The following SMYD3 variants were observed in gnomAD, a reference collection of about 807,000 sequenced individuals.
The protein encoded by SMYD3 is SET and MYND domain containing 3.
In SMYD3, 36 loss-of-function variants were observed where a neutral mutation model predicts 57.7. The ratio of observed to expected loss-of-function variants is 0.62; its 90% CI spans 0.48 to 0.82. The LOEUF (loss-of-function observed/expected upper bound fraction) is 0.82. Among genes scored for constraint, SMYD3 ranks in the 40% least tolerant of loss-of-function variants. SMYD3 has a pLI of 0.00. For missense variants in SMYD3, 515 were observed against 538.8 expected (o/e 0.96, Z 0.44); for synonymous variants, 211 against 195.0 (o/e 1.08, Z -0.68).
Position 246,327,291 on chromosome 1 carries a change from G to C in SMYD3, c.441C>G (p.Leu147=), listed in dbSNP as rs549576382. 6.2e-7 allele frequency: 1 copy of C among 1,613,824 alleles called. No individual in the cohort carries two copies. The highest frequency in any genetic ancestry group is 8.5e-7 in the Non-Finnish European group (1 of 1,179,898). ...TEDKKEGLRQ[L]VMTFQHFMRE... Reference sequence around the variant, plus strand: ...TCATGAAATGTTGAAATGTCATTACGAGTTGCCTGAGGCCCTCTTTCTTAT... The same window carrying C: ...TCATGAAATGTTGAAATGTCATTACCAGTTGCCTGAGGCCCTCTTTCTTAT... The change falls in exon 5 of 12, where the codon CTC becomes CTG. Residue 147 remains leucine (L), a synonymous_variant. Coordinates refer to ENST00000490107, the MANE Select transcript of SMYD3 (RefSeq NM_001167740.2).
chr1:246,195,442 C>T (rs1001248439), intron 5 of SMYD3, among the ~76,000 whole-genome samples: 1 of 152,152 alleles, frequency 6.6e-6, no homozygotes, highest in Non-Finnish European at 1.5e-5. Context: ...TGCTTAAGCA[C>T]ATCTGGACTC....
intron 1 of SMYD3, among the ~76,000 whole-genome samples, chr1:246,459,396 T>A (rs4654260): frequency 7.9e-5 from 12 of 151,688 alleles, no homozygotes; most frequent in Non-Finnish European, 1.8e-4. Flanking sequence ...GCTGTTCTCC[T>A]GACAGAGTTC....
At chr1:245,773,141 C>G (rs994810959) in intron 10 of SMYD3, among the ~76,000 whole-genome samples, 1 of 145,286 alleles carries the variant, frequency 6.9e-6, no homozygotes, top group Non-Finnish European at 1.5e-5. Context: ...TCATTTTCCA[C>G]AGCCAAAAAC....
At chr1:246,019,954 T>C (rs540202105) in intron 5 of SMYD3, among the ~76,000 whole-genome samples, 1 of 152,314 alleles carries the variant, frequency 6.6e-6, no homozygotes, top group Admixed American at 6.5e-5. Flanking sequence ...AAAGGAGATT[T>C]TTCTCTTCAC....
At chr1:246,088,739 C>A (rs1050711058) in intron 5 of SMYD3, among the ~76,000 whole-genome samples, 2 of 152,038 alleles carry the variant, frequency 1.3e-5, no homozygotes, top group Admixed American at 1.3e-4. Context: ...ACAATATCCC[C>A]AAAAGTTTGA....
chr1:246,442,134 C>T (rs1282130620), intron 1 of SMYD3, among the ~76,000 whole-genome samples: 2 of 152,160 alleles, frequency 1.3e-5, no homozygotes, highest in Non-Finnish European at 2.9e-5. Flanking sequence ...GTGGGAGCAC[C>T]ATGGAGGTGT....
At chr1:245,815,855 A>G (rs1032749393) in intron 10 of SMYD3, among the ~76,000 whole-genome samples, 2 of 152,216 alleles carry the variant, frequency 1.3e-5, no homozygotes, top group Admixed American at 6.5e-5. Context: ...GCCTGCTGGT[A>G]AGAAGCAGAG....
At chr1:246,416,579 C>T (rs573809021) in intron 1 of SMYD3, among the ~76,000 whole-genome samples, 2 of 149,302 alleles carry the variant, frequency 1.3e-5, no homozygotes, top group African/African-American at 4.9e-5. Flanking sequence ...AAAACTTTTA[C>T]TAAGGTCATA....
intron 1 of SMYD3, among the ~76,000 whole-genome samples, chr1:246,448,171 C>G (rs1302566258): frequency 6.6e-6 from 1 of 152,130 alleles, no homozygotes; most frequent in Non-Finnish European, 1.5e-5. Context: ...GAGCCAAGAT[C>G]GCGCCATTGC....
chr1:246,252,692 T>C (rs540736768), intron 5 of SMYD3, among the ~76,000 whole-genome samples: 5 of 152,354 alleles, frequency 3.3e-5, no homozygotes, highest in Non-Finnish European at 7.4e-5. Context: ...GGGACTGTTA[T>C]ATATGAGGCA....
At chr1:246,243,127 C>T (rs1195184463) in intron 5 of SMYD3, among the ~76,000 whole-genome samples, 2 of 152,124 alleles carry the variant, frequency 1.3e-5, no homozygotes, top group Admixed American at 1.3e-4. Flanking sequence ...CAGAACTCTG[C>T]ACCCCAAATC....
At chr1:245,900,599 T>G (rs1176351506) in intron 8 of SMYD3, among the ~76,000 whole-genome samples, 1 of 152,216 alleles carries the variant, frequency 6.6e-6, no homozygotes, top group Non-Finnish European at 1.5e-5. Context: ...TTTTAGAACA[T>G]GCACCCCACC....
chr1:245,934,369 A>G lies in SMYD3; in HGVS notation c.532-4432T>C, dbSNP rs916512249. Among the ~76,000 whole-genome samples, 75 of 152,216 alleles carry G rather than the reference A, an allele frequency of 4.9e-4. 1 individual carries two copies. Among genetic ancestry groups the G allele is most frequent in the African/African-American group, 1.8e-3 (73 of 41,450 alleles). On this transcript the variant is annotated intron_variant, in intron 5 of 11. Transcript: ENST00000490107. The stretch of plus-strand genomic sequence containing the variant: ...CTAATATTTCTCTAACTTTAAAAGC[A>G]CAATAAGAATTTTAATCAGGGTATA...
intron 10 of SMYD3, among the ~76,000 whole-genome samples, chr1:245,773,660 C>T (rs2046427390): frequency 6.6e-6 from 1 of 152,170 alleles, no homozygotes; most frequent in Non-Finnish European, 1.5e-5. Context: ...TATGACAGCA[C>T]TATTTTTTTA....
chr1:246,077,897 A>G (rs1314106673), intron 5 of SMYD3, among the ~76,000 whole-genome samples: 1 of 152,184 alleles, frequency 6.6e-6, no homozygotes, highest in East Asian at 1.9e-4. Context: ...AAAGAAAACA[A>G]TCGTTTGTCA....
At chr1:246,494,016 C>T (rs773368653) in intron 1 of SMYD3, among the ~76,000 whole-genome samples, 1 of 152,204 alleles carries the variant, frequency 6.6e-6, no homozygotes, top group Non-Finnish European at 1.5e-5. Flanking sequence ...CGCACATTTT[C>T]TCCTAACTGG....
chr1:246,498,377 A>G (rs7513288), intron 1 of SMYD3, among the ~76,000 whole-genome samples: 70,445 of 152,094 alleles, frequency 0.46, 16,728 homozygotes, highest in Middle Eastern at 0.66. Context: ...AACTGATAGT[A>G]GAGTGATTTC....
chr1:246,146,100 C>T lies in SMYD3; in HGVS notation c.531+181101G>A, dbSNP rs149863483. On this transcript the variant is annotated intron_variant, in intron 5 of 11. Transcript: ENST00000490107. The stretch of plus-strand genomic sequence containing the variant: ...CGCAAGAAGGTAGAGGGTATCCCTG[C>T]CCTCAGGGAGCTTACCTATCTGGGA... Among the ~76,000 whole-genome samples, 1,221 of 152,242 alleles carry T rather than the reference C, an allele frequency of 8.0e-3. 14 individuals carry two copies. The highest frequency in any genetic ancestry group is 0.036 in the South Asian group (174 of 4,812).
chr1:245,763,477 G>C (rs2045942420), intron 11 of SMYD3, among the ~76,000 whole-genome samples: 1 of 152,192 alleles, frequency 6.6e-6, no homozygotes, highest in Admixed American at 6.5e-5. Flanking sequence ...GTGATGCGGA[G>C]AGCACTTAAG....
Sources: gnomAD v4.1 joint callset for allele counts (sites outside exome capture counted in the v4.1 genomes callset) on GRCh38, gnomAD v4.1.1 for gene constraint, MANE v1.5 for transcripts, NCBI Gene and HGNC (gene_info 2026-07-23, HGNC 2026-07-21) for gene names.